MACO1: variants seen among roughly 807,000 people sequenced by gnomAD.
MACO1 encodes macoilin 1.
In MACO1, 14 loss-of-function variants were observed where a neutral mutation model predicts 78.7. The observed-to-expected ratio is 0.18, with a 90% confidence interval of 0.12 to 0.28. The LOEUF is 0.28. MACO1 is among the 10% of genes least tolerant of loss of function. The probability of loss-of-function intolerance (pLI) is 1.00; values close to 1 mark genes in which losing one functional copy is unlikely to be tolerated. For synonymous variants in MACO1, 288 were observed against 291.6 expected, an observed-to-expected ratio of 0.99 and a Z score of 0.12; for missense variants, 501 against 799.0, an observed-to-expected ratio of 0.63 and a Z score of 4.50.
chr1:25,492,741 G>A (rs2043498035), intron 10 of MACO1, among the ~76,000 whole-genome samples: 1 of 152,116 alleles, frequency 6.6e-6, no homozygotes, highest in Non-Finnish European at 1.5e-5. Flanking sequence ...TTTTGTCCAA[G>A]AAATTGATTA....
chr1:25,478,960 T>TA (rs974892843), intron 6 of MACO1, among the ~76,000 whole-genome samples: 36 of 151,856 alleles, frequency 2.4e-4, no homozygotes, highest in Non-Finnish European at 4.1e-4. Flanking sequence ...ATTTTTTTTT[T>TA]AAATGAGATT....
chr1:25,478,514 G>A (rs2043342781), intron 6 of MACO1, among the ~76,000 whole-genome samples: 1 of 152,206 alleles, frequency 6.6e-6, no homozygotes, highest in South Asian at 2.1e-4. Context: ...TTTGGAGTAA[G>A]AGTGATCCTT....
intron 6 of MACO1, among the ~76,000 whole-genome samples, chr1:25,473,248 A>G (rs999814206): frequency 7.2e-5 from 11 of 152,224 alleles, no homozygotes; most frequent in African/African-American, 2.7e-4. Context: ...GCAGGAATTT[A>G]AAACTATCGT....
rs1399895193 is a variant in MACO1, at chr1:25,433,468, CAT to C, written c.80+2291_80+2292del. Reference sequence around the variant, plus strand: ...TATTGCCCATTTTGTTTCTCAACAACATGTGGCCAATTTTGGATTCATTAAAC... The same window carrying C: ...TATTGCCCATTTTGTTTCTCAACAACGTGGCCAATTTTGGATTCATTAAAC... On this transcript the variant is annotated intron_variant, in intron 1 of 10. Transcript: ENST00000374343. Among the ~76,000 whole-genome samples, 5 of 152,310 alleles carry C rather than the reference CAT, an allele frequency of 3.3e-5. No homozygotes were observed. In the South Asian group the frequency reaches 6.2e-4, roughly 19 times the overall value.
intron 1 of MACO1, among the ~76,000 whole-genome samples, chr1:25,431,780 C>T (rs2042874379): frequency 6.6e-6 from 1 of 152,210 alleles, no homozygotes. Context: ...AAGCTGATAC[C>T]CCCAAATCAT....
rs181866363 is a variant in MACO1, at chr1:25,449,030, A to C, written c.349+96A>C. On this transcript the variant is annotated intron_variant, in intron 3 of 10. Coordinates refer to ENST00000374343, the MANE Select transcript of MACO1 (RefSeq NM_018202.6). Reference sequence around the variant, plus strand: ...AATACATTATTTAGAGTTGAGTTTAATGTGGACATTTTAAAGTTTTCTTTT... The same window carrying C: ...AATACATTATTTAGAGTTGAGTTTACTGTGGACATTTTAAAGTTTTCTTTT... The C allele has an allele frequency of 5.1e-6, 6 of 1,176,596 alleles. No individual in the cohort carries two copies. The East Asian group carries it at 1.7e-4, about 33-fold the overall frequency. The allele number at this position is 1,176,596 out of a possible 1,614,324, so 72.9% of individuals were successfully genotyped here.
chr1:25,461,727 C>T (rs1313892868), intron 6 of MACO1, among the ~76,000 whole-genome samples: 4 of 152,052 alleles, frequency 2.6e-5, no homozygotes, highest in Non-Finnish European at 4.4e-5. Context: ...TATGTCAAAG[C>T]ATTTCATGAA....
rs753053151 is a variant in MACO1, at chr1:25,491,557, G to A, written c.1765G>A (p.Ala589Thr). The A allele has an allele frequency of 2.2e-5, 36 of 1,614,100 alleles. No individual in the cohort carries two copies. The highest frequency in any genetic ancestry group is 2.6e-5 in the Non-Finnish European group (31 of 1,180,030). Reference protein sequence around the residue: ...KLDLFSALGDAKRQLEIAQGQ... With the variant: ...KLDLFSALGDTKRQLEIAQGQ... ...GGACCTGTTCTCCGCACTGGGCGAT[G>A]CAAAGCGGCAGCTCGAGATTGCCCA... is the stretch of plus-strand genomic sequence containing the variant. The change falls in exon 10 of 11, where the codon GCA becomes ACA. Residue 589 changes from alanine to threonine, a missense_variant. Coordinates refer to ENST00000374343, the MANE Select transcript of MACO1 (RefSeq NM_018202.6).
chr1:25,433,465 C>T (rs1302189649), intron 1 of MACO1, among the ~76,000 whole-genome samples: 1 of 152,150 alleles, frequency 6.6e-6, no homozygotes, highest in Admixed American at 6.5e-5. Context: ...TGTTTCTCAA[C>T]AACATGTGGC....
intron 6 of MACO1, among the ~76,000 whole-genome samples, chr1:25,466,011 A>G (rs2043216205): frequency 6.7e-6 from 1 of 150,018 alleles, no homozygotes; most frequent in Non-Finnish European, 1.5e-5. Flanking sequence ...CCAGTCATCC[A>G]TTGATGGACA....
intron 6 of MACO1, among the ~76,000 whole-genome samples, chr1:25,470,860 T>A (rs370339017): frequency 6.6e-6 from 1 of 151,870 alleles, no homozygotes; most frequent in Admixed American, 6.6e-5. Context: ...AAACCCCATC[T>A]CTACTAAAAA....
intron 6 of MACO1, among the ~76,000 whole-genome samples, chr1:25,459,142 A>G (rs1252245824): frequency 6.6e-6 from 1 of 152,172 alleles, no homozygotes; most frequent in Non-Finnish European, 1.5e-5. Flanking sequence ...CTGTAACTTG[A>G]TTCTTCTAGT....
chr1:25,442,409 A>G (rs1230651961), intron 1 of MACO1, among the ~76,000 whole-genome samples: 1 of 152,216 alleles, frequency 6.6e-6, no homozygotes, highest in African/African-American at 2.4e-5. Flanking sequence ...AGAGCCAGTA[A>G]AATATTCCAC....
At position 25,448,828 on chromosome 1, in the gene MACO1, T is replaced by C. The variant is rs765877690; in HGVS notation, c.243T>C (p.Val81=). The part of the protein sequence containing the change: ...YQGLAFSVFF[V]CVAFTSNIIC... ...TTTAGGCCTTCTCAGTATTTTTTGT[T>C]TGTGTAGCATTCACGTCAAATATAA... The change falls in exon 3 of 11, where the codon GTT becomes GTC. Residue 81 remains valine, a synonymous_variant. Transcript: ENST00000374343. 2 of 1,552,192 alleles carry C rather than the reference T, an allele frequency of 1.3e-6. No homozygotes were observed. The highest frequency in any genetic ancestry group is 1.8e-6 in the Non-Finnish European group (2 of 1,137,832).
intron 3 of MACO1, among the ~76,000 whole-genome samples, chr1:25,452,838 A>G (rs988173329): frequency 1.3e-5 from 2 of 151,600 alleles, no homozygotes; most frequent in Non-Finnish European, 2.9e-5. Flanking sequence ...CTGGAATTAC[A>G]GGTGTGCACC....
At chr1:25,452,358 C>T (rs1437999214) in intron 3 of MACO1, among the ~76,000 whole-genome samples, 2 of 152,108 alleles carry the variant, frequency 1.3e-5, no homozygotes, top group Non-Finnish European at 2.9e-5. Context: ...GATTTTGATT[C>T]GAAAAGCCAG....
intron 6 of MACO1, among the ~76,000 whole-genome samples, chr1:25,476,026 T>G (rs956906313): frequency 3.3e-5 from 5 of 152,244 alleles, no homozygotes; most frequent in Non-Finnish European, 7.3e-5. Flanking sequence ...GATTTTTTCT[T>G]ATTACAACAG....
At position 25,458,734 on chromosome 1, in the gene MACO1, A is replaced by G. The variant is rs892762036; in HGVS notation, c.996A>G (p.Ser332=). The part of the protein sequence containing the change: ...YKNASGVVNS[S]PRSHSATNGS... The stretch of plus-strand genomic sequence containing the variant: ...ATGCCAGTGGAGTTGTGAACTCTTC[A>G]CCTCGAAGTCATAGCGCCACAAATG... The change falls in exon 6 of 11, where the codon TCA becomes TCG. Residue 332 remains serine (S), a synonymous_variant. Coordinates refer to ENST00000374343, the MANE Select transcript of MACO1 (RefSeq NM_018202.6). 3 of 1,614,058 alleles carry G rather than the reference A, an allele frequency of 1.9e-6. No individual in the cohort carries two copies. In the Admixed American group the frequency reaches 5.0e-5, roughly 27 times the overall value.
At chr1:25,479,810 A>G (rs1433533768) in intron 6 of MACO1, among the ~76,000 whole-genome samples, 1 of 152,204 alleles carries the variant, frequency 6.6e-6, no homozygotes, top group Non-Finnish European at 1.5e-5. Flanking sequence ...ACGTCCATAC[A>G]ATGGAATATT....
Sources: gnomAD v4.1 joint callset for allele counts (sites outside exome capture counted in the v4.1 genomes callset) on GRCh38, gnomAD v4.1.1 for gene constraint, MANE v1.5 for transcripts, NCBI Gene and HGNC (gene_info 2026-07-23, HGNC 2026-07-21) for gene names.